KIF26B: variants seen among roughly 807,000 people sequenced by gnomAD.
KIF26B encodes the protein kinesin-like protein KIF26B.
A neutral mutation model predicts 151.2 loss-of-function variants in KIF26B; 63 were observed. The ratio of observed to expected loss-of-function variants is 0.42; its 90% CI spans 0.34 to 0.51. The LOEUF (loss-of-function observed/expected upper bound fraction) is 0.51, where lower values mean the gene tolerates loss of function less well. KIF26B is among the 20% of genes least tolerant of loss of function. The probability of loss-of-function intolerance (pLI) is 0.07; values close to 1 mark genes in which losing one functional copy is unlikely to be tolerated. For missense variants in KIF26B, 2,813 were observed against 2,913.6 expected (o/e 0.97, Z 0.79); for synonymous variants, 1,357 against 1,262.1 (o/e 1.08, Z -1.59).
chr1:245,627,976 G>A (rs2043742160), intron 9 of KIF26B, among the ~76,000 whole-genome samples: 1 of 152,296 alleles, frequency 6.6e-6, no homozygotes, highest in African/African-American at 2.4e-5. Flanking sequence ...TTCTGAAATT[G>A]AGGCAGTAAT....
intron 4 of KIF26B, among the ~76,000 whole-genome samples, chr1:245,425,067 C>CT (rs35423492): frequency 0.015 from 1,916 of 131,226 alleles, 26 homozygotes; most frequent in African/African-American, 0.039. Context: ...AAACGAGGGC[C>CT]TTTTTTTTTT....
At position 245,602,498 on chromosome 1, in the gene KIF26B, T is replaced by A. The variant is rs7541927; in HGVS notation, c.1351-79T>A. The A allele has an allele frequency of 0.39, 423,158 of 1,091,482 alleles. 84,087 individuals are homozygous for A. Among genetic ancestry groups the A allele is most frequent in the East Asian group, 0.46 (17,880 of 38,800 alleles). The allele number at this position is 1,091,482 out of a possible 1,614,324, so 67.6% of individuals were successfully genotyped here. A position where few individuals can be genotyped will look rare whatever the true frequency, so the allele number is the denominator to read the frequency against. On this transcript the variant is annotated intron_variant, in intron 5 of 14. Transcript: ENST00000407071. The surrounding 1 kb of genome is among the most constrained non-coding windows in gnomAD (Gnocchi z 4.5). ...TTCAGTGCTGCCATGTGCATGTATA[T>A]CGCAGAGTATACAAGGGTGCTCCAT...
chr1:245,468,819 T>C (rs940052088), intron 4 of KIF26B, among the ~76,000 whole-genome samples: 7 of 152,228 alleles, frequency 4.6e-5, no homozygotes, highest in Non-Finnish European at 8.8e-5. Flanking sequence ...CCCCTCGCTA[T>C]GCTCTTTTAG....
At chr1:245,424,368 G>A (rs747173176) in intron 4 of KIF26B, among the ~76,000 whole-genome samples, 3 of 152,162 alleles carry the variant, frequency 2.0e-5, no homozygotes, top group Non-Finnish European at 4.4e-5. Context: ...GGCTGGTCTT[G>A]AACTCCTGAC....
chr1:245,505,957 C>A (rs1017856871), intron 4 of KIF26B, among the ~76,000 whole-genome samples: 2 of 152,092 alleles, frequency 1.3e-5, no homozygotes, highest in Non-Finnish European at 2.9e-5. Context: ...CAGGGAAATT[C>A]TAAGGTAATT....
At chr1:245,434,991 C>CCATT (rs1658871175) in intron 4 of KIF26B, among the ~76,000 whole-genome samples, 1 of 149,618 alleles carries the variant, frequency 6.7e-6, no homozygotes, top group South Asian at 2.1e-4. Context: ...ATCCATCCAT[C>CCATT]CATCCATCCA....
At chr1:245,312,430 AG>A (rs1246360741) in intron 2 of KIF26B, among the ~76,000 whole-genome samples, 1 of 152,200 alleles carries the variant, frequency 6.6e-6, no homozygotes, top group Non-Finnish European at 1.5e-5. Flanking sequence ...ACATAAATAC[AG>A]GAGTCGTTTG....
intron 5 of KIF26B, among the ~76,000 whole-genome samples, chr1:245,554,134 T>C (rs896086754): frequency 6.6e-6 from 1 of 152,180 alleles, no homozygotes; most frequent in Admixed American, 6.5e-5. Context: ...TTTTGTATCA[T>C]GTACCATCCC....
intron 5 of KIF26B, among the ~76,000 whole-genome samples, chr1:245,570,402 C>T (rs181801886): frequency 3.9e-5 from 6 of 152,310 alleles, no homozygotes; most frequent in African/African-American, 9.6e-5. Context: ...ATGTTACTGG[C>T]ATCTGTCTTT....
intron 2 of KIF26B, among the ~76,000 whole-genome samples, chr1:245,325,670 C>T (rs1340679794): frequency 7.3e-5 from 11 of 151,544 alleles, no homozygotes; most frequent in African/African-American, 1.2e-4. Flanking sequence ...AAGATCGCAT[C>T]GTTGCACTCC....
At chr1:245,496,426 C>T (rs746914175) in intron 4 of KIF26B, among the ~76,000 whole-genome samples, 6 of 151,906 alleles carry the variant, frequency 3.9e-5, no homozygotes, top group Non-Finnish European at 7.4e-5. Flanking sequence ...AAAAACAATA[C>T]AAAAAGTGAA....
chr1:245,348,138 C>T (rs1191792628), intron 2 of KIF26B, among the ~76,000 whole-genome samples: 2 of 152,138 alleles, frequency 1.3e-5, no homozygotes, highest in South Asian at 4.1e-4. Context: ...TTTTTGATTT[C>T]TCCTTTGAGC....
intron 2 of KIF26B, among the ~76,000 whole-genome samples, chr1:245,275,188 C>T (rs1670917777): frequency 6.6e-6 from 1 of 150,910 alleles, no homozygotes; most frequent in Non-Finnish European, 1.5e-5. Flanking sequence ...TTTTTTTCTT[C>T]TTGTAAATTT....
chr1:245,630,671 G>A (rs1356979114), intron 9 of KIF26B, among the ~76,000 whole-genome samples: 3 of 152,126 alleles, frequency 2.0e-5, no homozygotes, highest in Non-Finnish European at 2.9e-5. Context: ...GATGGGTACA[G>A]CAAGCCACCA....
rs183813823 is a variant in KIF26B, at chr1:245,308,632, G to A, written c.466-58202G>A. On this transcript the variant is annotated intron_variant, in intron 2 of 14. Transcript: ENST00000407071. ...CTGTAGTCCCAGCTACATGGGAGGC[G>A]GAGGCGGGAGGATCACCTGAGCTGA... is the stretch of plus-strand genomic sequence containing the variant. Among the ~76,000 whole-genome samples the A allele has an allele frequency of 1.4e-3, 207 of 152,290 alleles. 4 individuals are homozygous for A. Among genetic ancestry groups the A allele is most frequent in the Admixed American group, 0.012 (187 of 15,296 alleles).
At chr1:245,168,319 C>T (rs931524540) in intron 2 of KIF26B, among the ~76,000 whole-genome samples, 2 of 152,218 alleles carry the variant, frequency 1.3e-5, no homozygotes, top group East Asian at 1.9e-4. Flanking sequence ...GGAAGCCAAG[C>T]GGAGGGGCCG....
At position 245,367,785 on chromosome 1, in the gene KIF26B, T is replaced by G. The variant is rs2103010310; in HGVS notation, c.999+418T>G. On this transcript the variant is annotated intron_variant, in intron 3 of 14. Coordinates refer to ENST00000407071, the MANE Select transcript of KIF26B (RefSeq NM_018012.4). The surrounding 1 kb of genome is among the most constrained non-coding windows in gnomAD (Gnocchi z 4.2). Reference sequence around the variant, plus strand: ...TAGCAGCGTGACTTGGCACAAGGGGTTTGCCCTGTCTTAGGCTCAAGTCCC... The same window carrying G: ...TAGCAGCGTGACTTGGCACAAGGGGGTTGCCCTGTCTTAGGCTCAAGTCCC... 6.6e-6 allele frequency among the ~76,000 whole-genome samples: 1 copy of G among 152,272 alleles called. No homozygotes were observed. The highest frequency in any genetic ancestry group is 1.9e-4 in the East Asian group (1 of 5,176).
At chr1:245,245,303 G>A (rs887537929) in intron 2 of KIF26B, among the ~76,000 whole-genome samples, 3 of 152,150 alleles carry the variant, frequency 2.0e-5, no homozygotes, top group Non-Finnish European at 4.4e-5. Flanking sequence ...GCCCTCGATG[G>A]TGCAGACTGC....
intron 2 of KIF26B, among the ~76,000 whole-genome samples, chr1:245,314,325 G>A (rs1409728585): frequency 2.6e-5 from 4 of 152,050 alleles, no homozygotes; most frequent in East Asian, 1.9e-4. Flanking sequence ...GGTGGTGGGC[G>A]CCTGGAATCC....
Sources: allele counts gnomAD v4.1 joint callset (sites outside exome capture counted in the v4.1 genomes callset), GRCh38; gene constraint gnomAD v4.1.1; non-coding constraint Gnocchi (gnomAD v3.1); transcripts MANE v1.5; gene names NCBI Gene and HGNC (gene_info 2026-07-23, HGNC 2026-07-21).